Variants in RPS6KA2 observed in about 807,000 individuals in gnomAD.
The protein encoded by RPS6KA2 is ribosomal protein S6 kinase A2.
Under a neutral mutation model 91.8 loss-of-function variants are expected in RPS6KA2, and 42 were observed. That is an observed-to-expected ratio of 0.46 (90% CI 0.36 to 0.59). The LOEUF (loss-of-function observed/expected upper bound fraction) is 0.59, where lower values mean the gene tolerates loss of function less well. Ranked by LOEUF, RPS6KA2 falls within the 20% of genes least tolerant of loss-of-function variation. The probability of loss-of-function intolerance (pLI) is 0.00; values close to 1 mark genes in which losing one functional copy is unlikely to be tolerated. For synonymous variants in RPS6KA2, 414 were observed against 393.6 expected (o/e 1.05, Z -0.61); for missense variants, 798 against 978.5 (o/e 0.82, Z 2.46).
chr6:166,474,373 C>A lies in RPS6KA2; in HGVS notation c.908-4468G>T, dbSNP rs529961000. On this transcript the variant is annotated intron_variant, in intron 10 of 20. Transcript: ENST00000265678. ...GCAGGTGTGCTGTGAAGACAGCACG[C>A]CTGGCTTAGGTGATGGGCGTTGATT... Among the ~76,000 whole-genome samples, 17 of 152,278 alleles carry A rather than the reference C, an allele frequency of 1.1e-4. 1 individual carries two copies. Among genetic ancestry groups the A allele is most frequent in the Admixed American group, 1.1e-3 (17 of 15,304 alleles).
chr6:166,758,210 G>A lies in RPS6KA2; in HGVS notation c.123+99990C>T, dbSNP rs913308387. On this transcript the variant is annotated intron_variant, in intron 2 of 21. Transcript: ENST00000503859. ...ATGGTTGCTTATTTCTTTAGGTGGC[G>A]CTGGGTCAGTGAATGCACACCAAGG... Among the ~76,000 whole-genome samples the A allele has an allele frequency of 3.9e-5, 6 of 152,194 alleles. No homozygotes were observed. In the East Asian group the frequency reaches 7.7e-4, roughly 20 times the overall value.
At chr6:166,820,417 A>G (rs1180581047) in intron 2 of RPS6KA2, among the ~76,000 whole-genome samples, 1 of 152,172 alleles carries the variant, frequency 6.6e-6, no homozygotes, top group Non-Finnish European at 1.5e-5. Flanking sequence ...CTTGGTTAAA[A>G]TTATGTTTAG....
chr6:166,822,392 G>C (rs917032226), intron 2 of RPS6KA2, among the ~76,000 whole-genome samples: 11 of 152,194 alleles, frequency 7.2e-5, no homozygotes, highest in African/African-American at 2.7e-4. Context: ...CTTTGCTTGC[G>C]CAGAGAGACA....
chr6:166,461,426 C>T (rs1015377529), intron 11 of RPS6KA2, among the ~76,000 whole-genome samples: 7 of 151,172 alleles, frequency 4.6e-5, no homozygotes, highest in South Asian at 4.2e-4. Flanking sequence ...TCCTGAGAGC[C>T]GGGCTATTAA....
chr6:166,795,220 C>T (rs1208100408), intron 2 of RPS6KA2, among the ~76,000 whole-genome samples: 1 of 152,128 alleles, frequency 6.6e-6, no homozygotes, highest in Non-Finnish European at 1.5e-5. Context: ...ATCATAAAGC[C>T]AGACCCATTT....
intron 12 of RPS6KA2, among the ~76,000 whole-genome samples, chr6:166,455,722 G>C (rs780837712): frequency 3.9e-5 from 6 of 152,226 alleles, no homozygotes; most frequent in Non-Finnish European, 7.3e-5. Flanking sequence ...GCTCGAGGAG[G>C]AGGCGCTCCT....
intron 1 of RPS6KA2, among the ~76,000 whole-genome samples, chr6:166,616,395 C>T (rs935130918): frequency 6.7e-6 from 1 of 149,784 alleles, no homozygotes; most frequent in African/African-American, 2.6e-5. Context: ...TCACCACCAC[C>T]ACTAACGGGA....
At chr6:166,669,260 C>A (rs1318630624) in intron 2 of RPS6KA2, among the ~76,000 whole-genome samples, 1 of 152,164 alleles carries the variant, frequency 6.6e-6, no homozygotes, top group Non-Finnish European at 1.5e-5. Flanking sequence ...TCAGCACCTG[C>A]TCCTTCCCCC....
Position 166,435,006 on chromosome 6 carries a change from T to C in RPS6KA2, c.1333-2516A>G, listed in dbSNP as rs1436776286. Among the ~76,000 whole-genome samples the C allele has an allele frequency of 6.6e-6, 1 of 152,230 alleles. No homozygotes were observed. The highest frequency in any genetic ancestry group is 1.5e-5 in the Non-Finnish European group (1 of 68,046). On this transcript the variant is annotated intron_variant, in intron 14 of 20. Coordinates refer to ENST00000265678, the MANE Select transcript of RPS6KA2 (RefSeq NM_021135.6). The surrounding 1 kb of genome is among the most constrained non-coding windows in gnomAD (Gnocchi z 4.3). Reference sequence around the variant, plus strand: ...CCCATGGGTGGGAGGGAAACTTTGCTGTATCCACATGAATTTTTAAAAATT... The same window carrying C: ...CCCATGGGTGGGAGGGAAACTTTGCCGTATCCACATGAATTTTTAAAAATT...
chr6:166,531,140 G>T, intron 3 of RPS6KA2, 92 bp downstream of exon 3: 1 of 869,050 alleles, frequency 1.2e-6, no homozygotes, highest in South Asian at 1.4e-5. Flanking sequence ...CAGAAATCGT[G>T]AACATTAAAT....
At chr6:166,478,300 G>C (rs1201293797) in intron 10 of RPS6KA2, among the ~76,000 whole-genome samples, 1 of 151,960 alleles carries the variant, frequency 6.6e-6, no homozygotes, top group Non-Finnish European at 1.5e-5. Context: ...TGACAAGGCA[G>C]AGACTACACA....
chr6:166,791,632 A>G (rs62438749), intron 2 of RPS6KA2, among the ~76,000 whole-genome samples: 39 of 150,866 alleles, frequency 2.6e-4, no homozygotes, highest in African/African-American at 7.0e-4. Flanking sequence ...ACTCCTCAGC[A>G]AATGTAAAAG....
At chr6:166,529,023 A>G (rs1198833418) in intron 3 of RPS6KA2, among the ~76,000 whole-genome samples, 1 of 152,220 alleles carries the variant, frequency 6.6e-6, no homozygotes, top group East Asian at 1.9e-4. Flanking sequence ...CGATTCCTCA[A>G]GGATCTAGAA....
At chr6:166,640,804 CCAAGCAGGGTGTGGGGGGT>C (rs1787406511) in intron 2 of RPS6KA2, among the ~76,000 whole-genome samples, 1 of 149,188 alleles carries the variant, frequency 6.7e-6, no homozygotes, top group Non-Finnish European at 1.5e-5. Context: ...CAGTGGGGGG[CCAAGCAGGGTGTGGGGGGT>C]CGGATCCGAG....
intron 2 of RPS6KA2, among the ~76,000 whole-genome samples, chr6:166,760,930 G>A (rs1778151719): frequency 6.6e-6 from 1 of 152,204 alleles, no homozygotes; most frequent in Non-Finnish European, 1.5e-5. Context: ...TCAGGCCTTT[G>A]GTCTCTGGCT....
At chr6:166,548,820 A>C (rs1054662752) in intron 1 of RPS6KA2, among the ~76,000 whole-genome samples, 1 of 152,266 alleles carries the variant, frequency 6.6e-6, no homozygotes, top group Non-Finnish European at 1.5e-5. Context: ...TCATCAAAGA[A>C]AAAAGTGATA....
At chr6:166,768,336 A>G (rs1778375525) in intron 2 of RPS6KA2, among the ~76,000 whole-genome samples, 1 of 152,178 alleles carries the variant, frequency 6.6e-6, no homozygotes, top group South Asian at 2.1e-4. Flanking sequence ...ATCATGATGG[A>G]GAAAGAGGAC....
At chr6:166,790,045 T>C (rs9459756) in intron 2 of RPS6KA2, among the ~76,000 whole-genome samples, 32,726 of 152,066 alleles carry the variant, frequency 0.22, 4,364 homozygotes, top group African/African-American at 0.37. Context: ...AAGAAGGCTT[T>C]GGACGATCAA....
chr6:166,679,088 T>C (rs541089775), intron 2 of RPS6KA2, among the ~76,000 whole-genome samples: 1 of 152,226 alleles, frequency 6.6e-6, no homozygotes, highest in South Asian at 2.1e-4. Context: ...AATAGTAAGT[T>C]TGGAGAAAGA....
Sources: allele counts gnomAD v4.1 joint callset (sites outside exome capture counted in the v4.1 genomes callset), GRCh38; gene constraint gnomAD v4.1.1; non-coding constraint Gnocchi (gnomAD v3.1); transcripts MANE v1.5; gene names NCBI Gene and HGNC (gene_info 2026-07-23, HGNC 2026-07-21).